Variants in STARD13 observed in about 807,000 individuals in gnomAD.
The protein encoded by STARD13 is stAR-related lipid transfer protein 13.
STARD13 carries 62 observed loss-of-function variants against 106.4 expected under a neutral mutation model. The ratio of observed to expected loss-of-function variants is 0.58; its 90% confidence interval spans 0.48 to 0.72. STARD13 has a LOEUF of 0.72. Among genes scored for constraint, STARD13 ranks in the 30% least tolerant of loss-of-function variants. The probability of loss-of-function intolerance (pLI) is 0.00; values close to 1 mark genes in which losing one functional copy is unlikely to be tolerated. For missense variants in STARD13, 1,387 were observed against 1,424.0 expected, an observed-to-expected ratio of 0.97 and a Z score of 0.42; for synonymous variants, 565 against 553.0, an observed-to-expected ratio of 1.02 and a Z score of -0.31.
intron 1 of STARD13, among the ~76,000 whole-genome samples, chr13:33,265,369 T>C (rs1039182437): frequency 6.6e-6 from 1 of 152,248 alleles, no homozygotes; most frequent in African/African-American, 2.4e-5. Context: ...CTTGCTAAGA[T>C]GCTGACAGAC....
intron 1 of STARD13, among the ~76,000 whole-genome samples, chr13:33,261,017 T>C (rs558368203): frequency 3.9e-5 from 6 of 152,356 alleles, no homozygotes. Context: ...AACTATGATC[T>C]AGTCATCTCT....
chr13:33,247,602 A>G (rs979652535), intron 1 of STARD13, among the ~76,000 whole-genome samples: 11 of 152,164 alleles, frequency 7.2e-5, no homozygotes, highest in African/African-American at 2.7e-4. Flanking sequence ...TATAACAGAC[A>G]CCAAATATAA....
chr13:33,321,374 T>C (rs532264170), intron 1 of STARD13, among the ~76,000 whole-genome samples: 1 of 152,044 alleles, frequency 6.6e-6, no homozygotes, highest in African/African-American at 2.4e-5. Context: ...GACATGGTGG[T>C]AGGTGTTTGT....
intron 8 of STARD13, among the ~76,000 whole-genome samples, chr13:33,113,717 G>A (rs1479514417): frequency 6.6e-6 from 1 of 152,156 alleles, no homozygotes; most frequent in Middle Eastern, 3.2e-3. Context: ...CCTTCTCAGT[G>A]CCATTACCCT....
rs564363119 is a variant in STARD13 at position 33,254,997 on chromosome 13, A to G, written c.169+30473T>C. Among the ~76,000 whole-genome samples, 85 of 152,272 alleles carry G rather than the reference A, an allele frequency of 5.6e-4. 1 individual carries two copies. Among genetic ancestry groups the G allele is most frequent in the African/African-American group, 1.8e-3 (73 of 41,556 alleles). On this transcript the variant is annotated intron_variant, in intron 1 of 13. Coordinates refer to ENST00000336934, the MANE Select transcript of STARD13 (RefSeq NM_178006.4). ...GCCCTTGAGAAAAGGCAGAGGGTCC[A>G]CTGAGCTGGATAACACTCACACTAT...
the STARD13 span, among the ~76,000 whole-genome samples, chr13:33,523,111 A>G: frequency 7.2e-5 from 11 of 152,218 alleles, no homozygotes; most frequent in South Asian, 1.0e-3. Flanking sequence ...GAATGGATCA[A>G]CTTAGCTCCT....
At chr13:33,543,619 TTTGA>T in the STARD13 span, among the ~76,000 whole-genome samples, 4 of 152,224 alleles carry the variant, frequency 2.6e-5, no homozygotes, top group South Asian at 2.1e-4. Context: ...AACTTGACTC[TTTGA>T]TTGTATTTCT....
At chr13:33,343,583 A>AAAAAAAAAC (rs1173828545) in intron 1 of STARD13, among the ~76,000 whole-genome samples, 17 of 94,302 alleles carry the variant, frequency 1.8e-4, no homozygotes, top group African/African-American at 7.9e-4. Flanking sequence ...GTCTTAAAAA[A>AAAAAAAAAC]AAAAAAAAAA....
At chr13:33,110,510 C>T (rs1340100833) in intron 11 of STARD13, among the ~76,000 whole-genome samples, 176 bp downstream of exon 11, 1 of 152,174 alleles carries the variant, frequency 6.6e-6, no homozygotes, top group African/African-American at 2.4e-5. Context: ...ATAGTTTACT[C>T]TCTGATTATA....
At chr13:33,569,066 C>T in the STARD13 span, among the ~76,000 whole-genome samples, 2 of 147,954 alleles carry the variant, frequency 1.4e-5, no homozygotes, top group African/African-American at 2.5e-5. Flanking sequence ...CAAATAACAC[C>T]AAGGCAGAGT....
intron 3 of STARD13, chr13:33,164,012 A>T (rs1883051907): frequency 6.6e-6 from 1 of 152,140 alleles, no homozygotes; most frequent in Admixed American, 6.5e-5. Flanking sequence ...TTTCCAATTC[A>T]TTACCTTTAC....
chr13:33,630,069 T>C, the STARD13 span, among the ~76,000 whole-genome samples: 2 of 152,238 alleles, frequency 1.3e-5, no homozygotes, highest in South Asian at 4.1e-4. Flanking sequence ...ATAATTTTTG[T>C]ATATTTACAA....
the STARD13 span, among the ~76,000 whole-genome samples, chr13:33,474,074 G>C: frequency 1.7e-3 from 266 of 152,220 alleles, 2 homozygotes; most frequent in African/African-American, 6.1e-3. Flanking sequence ...ATATTCTTTT[G>C]TAACACCGTC....
chr13:33,556,093 T>C, the STARD13 span, among the ~76,000 whole-genome samples: 8 of 152,152 alleles, frequency 5.3e-5, no homozygotes, highest in Non-Finnish European at 1.0e-4. Context: ...AAAACTGGCA[T>C]TTTGCACAAT....
chr13:33,645,568 G>A, the STARD13 span, among the ~76,000 whole-genome samples: 1 of 152,182 alleles, frequency 6.6e-6, no homozygotes, highest in African/African-American at 2.4e-5. Context: ...GAAGTAGGAA[G>A]GAGGGCAGCA....
chr13:33,287,578 C>G (rs1438859062), upstream of STARD13, among the ~76,000 whole-genome samples: 4 of 150,942 alleles, frequency 2.7e-5, no homozygotes, highest in East Asian at 7.7e-4. Context: ...GATCTGAGAC[C>G]TAAGGAACTG....
the STARD13 span, among the ~76,000 whole-genome samples, chr13:33,584,820 A>G: frequency 6.6e-6 from 1 of 151,906 alleles, no homozygotes; most frequent in African/African-American, 2.4e-5. Context: ...TGCTGTCCTC[A>G]TGATAGGGAG....
At chr13:33,519,193 T>C in the STARD13 span, among the ~76,000 whole-genome samples, 1 of 118,760 alleles carries the variant, frequency 8.4e-6, no homozygotes, top group Admixed American at 8.2e-5. Flanking sequence ...TTGATGATAT[T>C]TCCTCTTGGT....
the STARD13 span, among the ~76,000 whole-genome samples, chr13:33,371,672 C>G: frequency 2.1e-4 from 32 of 152,242 alleles, no homozygotes; most frequent in African/African-American, 7.7e-4. Context: ...TCGGTTGGTC[C>G]CTTGAACTCA....
Sources: gnomAD v4.1 joint callset for allele counts (sites outside exome capture counted in the v4.1 genomes callset) on GRCh38, gnomAD v4.1.1 for gene constraint, MANE v1.5 for transcripts, NCBI Gene and HGNC (gene_info 2026-07-23, HGNC 2026-07-21) for gene names.